Variants in COBL observed in about 807,000 individuals in gnomAD.
COBL encodes cordon-bleu WH2 repeat protein, also known as protein cordon-bleu.
A neutral mutation model predicts 98.8 loss-of-function variants in COBL; 51 were observed. That is an observed-to-expected ratio of 0.52 (90% CI 0.41 to 0.65). COBL has a LOEUF of 0.65. COBL is among the 30% of genes least tolerant of loss of function. COBL has a pLI of 0.00. For missense variants in COBL, 1,617 were observed against 1,617.5 expected (o/e 1.00, Z 0.01); for synonymous variants, 634 against 651.7 (o/e 0.97, Z 0.41).
intron 5 of COBL, among the ~76,000 whole-genome samples, chr7:51,183,849 T>C (rs541358692): frequency 5.9e-5 from 9 of 152,352 alleles, no homozygotes; most frequent in African/African-American, 2.2e-4. Context: ...ATGGCCCCGG[T>C]CATCAGGAGC....
intron 1 of COBL, among the ~76,000 whole-genome samples, chr7:51,298,466 T>C (rs1801619791): frequency 6.6e-6 from 1 of 152,242 alleles, no homozygotes; most frequent in Non-Finnish European, 1.5e-5. Context: ...TGCAATGACA[T>C]TCTCCACCAT....
chr7:51,217,992 T>C (rs1268111112), intron 2 of COBL, among the ~76,000 whole-genome samples: 1 of 152,160 alleles, frequency 6.6e-6, no homozygotes, highest in Non-Finnish European at 1.5e-5. Context: ...GACAGTTAAT[T>C]GCGCCTGAGC....
Position 51,219,886 on chromosome 7 carries a change from G to A in COBL, c.100C>T (p.His34Tyr), listed in dbSNP as rs756448670. Residue 34 changes from histidine to tyrosine, a missense_variant, in exon 2 of 13, where the codon CAC becomes TAC. This residue lies in a region of COBL where 238 missense variants were observed against 215.0 expected (regional missense o/e 1.11). Transcript: ENST00000265136. ...PPGKAATLHV[H>Y]SDQKPPHDGA... ...TCGTGGGGGGGCTTCTGGTCACTGT[G>A]CACATGCAGAGTGGCAGCCTTTCCA... The A allele has an allele frequency of 6.2e-7, 1 of 1,613,066 alleles. No individual in the cohort carries two copies. The highest frequency in any genetic ancestry group is 8.5e-7 in the Non-Finnish European group (1 of 1,180,032).
At chr7:51,201,948 G>C (rs904756416) in intron 2 of COBL, among the ~76,000 whole-genome samples, 5 of 152,150 alleles carry the variant, frequency 3.3e-5, no homozygotes, top group Non-Finnish European at 1.5e-5. Context: ...GCACCATCCT[G>C]CCTCATCCTG....
In COBL at chr7:51,046,855, A is replaced by C. The variant is rs185163238; in HGVS notation, c.1097-3163T>G. Among the ~76,000 whole-genome samples the C allele has an allele frequency of 7.0e-3, 1,069 of 152,252 alleles. 17 individuals are homozygous for C. Among genetic ancestry groups the C allele is most frequent in the South Asian group, 0.047 (227 of 4,822 alleles). ...GAGGAGGGCTGAATTGAAAGCCCAA[A>C]TTGCACTCTGAACAATCCCCTTTCC... On this transcript the variant is annotated intron_variant, in intron 7 of 12. Transcript: ENST00000265136.
In COBL at chr7:51,029,504, A is replaced by G. The variant is rs757057355; in HGVS notation, c.1592T>C (p.Ile531Thr). The G allele has an allele frequency of 3.7e-6, 6 of 1,614,016 alleles. No individual in the cohort carries two copies. Among genetic ancestry groups the G allele is most frequent in the Non-Finnish European group, 5.1e-6 (6 of 1,179,956 alleles). ...ASNHCPQDAM[I>T]PHGDTDAIPV... is the part of the protein sequence containing the mutation. ...GATTGCATCTGTGTCGCCGTGAGGG[A>G]TCATGGCATCCTGTGGGCAGTGGTT... The change falls in exon 10 of 13, where the codon ATC (isoleucine) becomes ACC (threonine). Residue 531 changes from isoleucine to threonine, a missense_variant. Coordinates refer to ENST00000265136, the MANE Select transcript of COBL (RefSeq NM_015198.5).
At chr7:51,075,820 T>C (rs977042690) in intron 7 of COBL, among the ~76,000 whole-genome samples, 5 of 152,224 alleles carry the variant, frequency 3.3e-5, no homozygotes, top group Admixed American at 3.3e-4. Context: ...ACTACTTCAC[T>C]TCTAAGCTAC....
intron 6 of COBL, among the ~76,000 whole-genome samples, chr7:51,123,784 A>C (rs941495626): frequency 1.3e-5 from 2 of 152,234 alleles, no homozygotes; most frequent in African/African-American, 4.8e-5. Context: ...GATCATGTTG[A>C]AGTGACTCAT....
intron 7 of COBL, among the ~76,000 whole-genome samples, chr7:51,066,098 C>T (rs181141291): frequency 1.5e-4 from 23 of 152,184 alleles, no homozygotes; most frequent in African/African-American, 3.6e-4. Flanking sequence ...TGTGTTGCTG[C>T]GCACTGTGAT....
At position 51,105,236 on chromosome 7, in the gene COBL, C is replaced by T. The variant is rs147311639; in HGVS notation, c.958-19932G>A. ...TCGCTTCTGCTGTTTTTCGTGTCTC[C>T]GAGCCCATTCTTTGGGTTTGGACGG... On this transcript the variant is annotated intron_variant, in intron 6 of 12. Transcript: ENST00000265136. 1.1e-3 allele frequency among the ~76,000 whole-genome samples: 173 copies of T among 152,240 alleles called. 1 individual carries two copies. The highest frequency in any genetic ancestry group is 4.0e-3 in the African/African-American group (165 of 41,556).
intron 1 of COBL, among the ~76,000 whole-genome samples, chr7:51,230,042 C>A (rs1794598962): frequency 6.6e-6 from 1 of 152,188 alleles, no homozygotes; most frequent in Non-Finnish European, 1.5e-5. Context: ...GTGTCCCTGA[C>A]TGGCAGACCC....
At chr7:51,199,102 C>T (rs964898797) in intron 2 of COBL, among the ~76,000 whole-genome samples, 7 of 152,200 alleles carry the variant, frequency 4.6e-5, no homozygotes, top group East Asian at 1.9e-4. Flanking sequence ...ATAACATGCT[C>T]GCTGACCTCA....
rs745446982 is a variant in COBL, at chr7:51,017,508, C to T, written c.*43G>A. The stretch of plus-strand genomic sequence containing the variant: ...AGACTCCTTGAGTGACGCCTGTGGG[C>T]ATATTACAGGTGGGTTTCTGCAATT... On this transcript the variant is annotated 3_prime_UTR_variant, in exon 13 of 13. Coordinates refer to ENST00000265136, the MANE Select transcript of COBL (RefSeq NM_015198.5). 1 of 1,604,990 alleles carries T rather than the reference C, an allele frequency of 6.2e-7. No individual in the cohort carries two copies. Among genetic ancestry groups the T allele is most frequent in the South Asian group, 1.1e-5 (1 of 90,874 alleles).
intron 1 of COBL, among the ~76,000 whole-genome samples, chr7:51,282,431 A>G (rs773529348): frequency 6.6e-6 from 1 of 152,144 alleles, no homozygotes; most frequent in Non-Finnish European, 1.5e-5. Flanking sequence ...TTATATTAAT[A>G]TCAAAGTACA....
intron 8 of COBL, among the ~76,000 whole-genome samples, chr7:51,036,469 G>C (rs1231020773): frequency 6.6e-6 from 1 of 151,330 alleles, no homozygotes; most frequent in Admixed American, 6.6e-5. Flanking sequence ...GGTGCCAAAT[G>C]TTTCTAAATG....
chr7:51,308,066 C>T (rs1294599472), intron 1 of COBL, among the ~76,000 whole-genome samples: 3 of 152,168 alleles, frequency 2.0e-5, no homozygotes, highest in Admixed American at 6.5e-5. Context: ...GATAGGTGGG[C>T]GGACGGGAAA....
Position 51,086,491 on chromosome 7 carries a change from A to G in COBL, c.958-1187T>C, listed in dbSNP as rs537738395. On this transcript the variant is annotated intron_variant, in intron 6 of 12. Coordinates refer to ENST00000265136, the MANE Select transcript of COBL (RefSeq NM_015198.5). ...GTACTTCCTGGCCTTCCAAGGGCTC[A>G]TCATAGGAATGGTGCCTGCAACACC... 7.9e-5 allele frequency among the ~76,000 whole-genome samples: 12 copies of G among 152,086 alleles called. No individual in the cohort carries two copies. In the South Asian group the frequency reaches 2.3e-3, roughly 29 times the overall value.
chr7:51,104,432 G>A (rs1367636556), intron 6 of COBL, among the ~76,000 whole-genome samples: 2 of 152,202 alleles, frequency 1.3e-5, no homozygotes, highest in African/African-American at 2.4e-5. Flanking sequence ...AGGGCTTAGA[G>A]TCTGGTGTCC....
rs1282175104 is a variant in COBL at position 51,029,254 on chromosome 7, G to A, written c.1842C>T (p.Ala614=). ...TCCCATCTTTAGAGATGTTAGATAA[G>A]GCCACACGGATTCCTTTTCCGACGT... ...SHDVGKGIRV[A]LSNISKDGNL... The change falls in exon 10 of 13, where the codon GCC becomes GCT. Residue 614 remains alanine (A), a synonymous_variant. Coordinates refer to ENST00000265136, the MANE Select transcript of COBL (RefSeq NM_015198.5). The A allele has an allele frequency of 6.2e-7, 1 of 1,611,806 alleles. No individual in the cohort carries two copies. Among genetic ancestry groups the A allele is most frequent in the Non-Finnish European group, 8.5e-7 (1 of 1,178,634 alleles).
Sources: allele counts gnomAD v4.1 joint callset (sites outside exome capture counted in the v4.1 genomes callset), GRCh38; gene constraint gnomAD v4.1.1; regional missense constraint gnomAD v4.1.1; transcripts MANE v1.5; gene names NCBI Gene and HGNC (gene_info 2026-07-23, HGNC 2026-07-21).